Variants in TANC1 observed in about 807,000 individuals in gnomAD.
The protein encoded by TANC1 is protein TANC1.
In TANC1, 77 loss-of-function variants were observed where a neutral mutation model predicts 149.7. The ratio of observed to expected loss-of-function variants is 0.51; its 90% CI spans 0.43 to 0.62. The LOEUF (loss-of-function observed/expected upper bound fraction) is 0.62, where lower values mean the gene tolerates loss of function less well. TANC1 is among the 20% of genes least tolerant of loss of function. TANC1 has a pLI of 0.00. For missense variants in TANC1, 1,985 were observed against 2,321.8 expected, an observed-to-expected ratio of 0.85 and a Z score of 2.98; for synonymous variants, 854 against 925.0, an observed-to-expected ratio of 0.92 and a Z score of 1.39.
chr2:159,041,162 C>T (rs146122091), intron 2 of TANC1, among the ~76,000 whole-genome samples: 190 of 152,228 alleles, frequency 1.2e-3, no homozygotes, highest in African/African-American at 4.1e-3. Flanking sequence ...AGCTTCATCT[C>T]GGAGGAGCAC....
intron 7 of TANC1, among the ~76,000 whole-genome samples, chr2:159,151,086 G>A (rs1350817114): frequency 6.6e-6 from 1 of 152,164 alleles, no homozygotes; most frequent in African/African-American, 2.4e-5. Flanking sequence ...TTGTCCTGAA[G>A]CCTAGGAGTC....
Position 159,179,718 on chromosome 2 carries a change from G to A in TANC1, c.2510+555G>A, listed in dbSNP as rs2056275238. ...TCCACACCCTTCACCCTTTGTGGAT[G>A]AGCTCTGTGTGGTGGACTGGACCAG... On this transcript the variant is annotated intron_variant, in intron 14 of 26. Coordinates refer to ENST00000263635, the MANE Select transcript of TANC1 (RefSeq NM_033394.3). 2.0e-5 allele frequency among the ~76,000 whole-genome samples: 3 copies of A among 152,196 alleles called. No individual in the cohort carries two copies. The South Asian group carries it at 6.2e-4, about 32-fold the overall frequency.
chr2:158,987,213 C>CAAAAAAAAA (rs34300029), intron 1 of TANC1, among the ~76,000 whole-genome samples: 1 of 76,026 alleles, frequency 1.3e-5, no homozygotes, highest in African/African-American at 6.0e-5. Flanking sequence ...GACTCATCTC[C>CAAAAAAAAA]AAAAAAAAAA....
At chr2:159,215,905 C>T (rs2059313040) in intron 19 of TANC1, among the ~76,000 whole-genome samples, 1 of 142,798 alleles carries the variant, frequency 7.0e-6, no homozygotes, top group African/African-American at 2.8e-5. Flanking sequence ...TTGAAGCTTG[C>T]TAATGATGAT....
At chr2:159,054,533 T>C (rs1204609655) in intron 2 of TANC1, among the ~76,000 whole-genome samples, 1 of 152,158 alleles carries the variant, frequency 6.6e-6, no homozygotes, top group Non-Finnish European at 1.5e-5. Flanking sequence ...GGGCATTAAG[T>C]GAAAGATCCA....
At chr2:159,100,086 A>C in intron 4 of TANC1, among the ~76,000 whole-genome samples, 1 of 152,212 alleles carries the variant, frequency 6.6e-6, no homozygotes, top group East Asian at 1.9e-4. Context: ...GAAACTATCG[A>C]TATTTTTAAG....
chr2:159,136,282 A>G lies in TANC1; in HGVS notation c.348A>G (p.Thr116=), dbSNP rs1157001947. The change falls in exon 5 of 27, where the codon ACA becomes ACG. Residue 116 remains threonine, a synonymous_variant. Transcript: ENST00000263635. ...CATTCAGAGAAGTAGCCAAGCCAAC[A>G]GAGCCTGATGAGCATGGTAAGAATT... is the stretch of plus-strand genomic sequence containing the variant. ...IMPFREVAKP[T]EPDEHEAKAD... is the part of the protein sequence containing the mutation. 3.1e-6 allele frequency: 5 copies of G among 1,599,228 alleles called. No homozygotes were observed. The highest frequency in any genetic ancestry group is 3.3e-4 in the Middle Eastern group (2 of 6,026).
At chr2:159,120,854 G>A (rs990020861) in intron 4 of TANC1, among the ~76,000 whole-genome samples, 1 of 152,130 alleles carries the variant, frequency 6.6e-6, no homozygotes, top group Non-Finnish European at 1.5e-5. Context: ...TCCTGCCTCT[G>A]CCTCCCAAAG....
At chr2:159,057,802 G>C (rs1052468196) in intron 2 of TANC1, among the ~76,000 whole-genome samples, 1 of 152,144 alleles carries the variant, frequency 6.6e-6, no homozygotes, top group African/African-American at 2.4e-5. Context: ...GATGAAGAAG[G>C]CTTCGAAGAT....
intron 19 of TANC1, among the ~76,000 whole-genome samples, chr2:159,210,787 C>T (rs772151331): frequency 2.0e-5 from 3 of 151,428 alleles, no homozygotes; most frequent in Non-Finnish European, 2.9e-5. Flanking sequence ...AGAATGGTCT[C>T]GATCTCTTGA....
At chr2:159,188,903 C>T (rs573465952) in intron 16 of TANC1, among the ~76,000 whole-genome samples, 4 of 152,292 alleles carry the variant, frequency 2.6e-5, no homozygotes, top group South Asian at 2.1e-4. Context: ...ATTTCCATAT[C>T]GTTGGGGGAA....
At chr2:159,128,121 C>T in intron 4 of TANC1, among the ~76,000 whole-genome samples, 1 of 152,116 alleles carries the variant, frequency 6.6e-6, no homozygotes, top group East Asian at 1.9e-4. Flanking sequence ...TTTTTCTTCC[C>T]TAGAATTGCA....
chr2:159,124,906 T>A (rs1230570472), intron 4 of TANC1, among the ~76,000 whole-genome samples: 1 of 126,984 alleles, frequency 7.9e-6, no homozygotes, highest in Non-Finnish European at 1.6e-5. Flanking sequence ...CATGCCCAGC[T>A]AATTTTTGTA....
intron 19 of TANC1, among the ~76,000 whole-genome samples, chr2:159,208,555 T>C (rs1204033486): frequency 6.6e-6 from 1 of 152,226 alleles, no homozygotes; most frequent in Non-Finnish European, 1.5e-5. Flanking sequence ...TTCACCTCTG[T>C]TAGATAGCTC....
intron 2 of TANC1, among the ~76,000 whole-genome samples, chr2:159,040,082 A>G (rs1166781127): frequency 6.6e-6 from 1 of 152,182 alleles, no homozygotes; most frequent in Non-Finnish European, 1.5e-5. Context: ...TTCTTGTTGT[A>G]TTGATCCCTT....
intron 15 of TANC1, among the ~76,000 whole-genome samples, chr2:159,186,352 G>A (rs1054312084): frequency 6.6e-6 from 1 of 152,128 alleles, no homozygotes; most frequent in Non-Finnish European, 1.5e-5. Flanking sequence ...CCATCCTCCC[G>A]CCTCAGCCTC....
chr2:159,229,836 T>C lies in TANC1; in HGVS notation c.4410T>C (p.Ser1470=). ...EEEETSPQEE[S]VSPTPRSQPS... is the part of the protein sequence containing the mutation. ...AAGAAACTTCTCCCCAGGAAGAATCTGTTTCCCCAACTCCCAGGTCCCAGC... is the reference window on the plus strand; with the variant it reads ...AAGAAACTTCTCCCCAGGAAGAATCCGTTTCCCCAACTCCCAGGTCCCAGC... Residue 1470 remains serine (S), a synonymous_variant, in exon 27 of 27, where the codon TCT becomes TCC. Transcript: ENST00000263635. 2 of 1,613,942 alleles carry C rather than the reference T, an allele frequency of 1.2e-6. No individual in the cohort carries two copies. The highest frequency in any genetic ancestry group is 1.1e-5 in the South Asian group (1 of 91,080).
At chr2:159,176,723 G>T (rs952969131) in intron 13 of TANC1, among the ~76,000 whole-genome samples, 1 of 152,150 alleles carries the variant, frequency 6.6e-6, no homozygotes, top group African/African-American at 2.4e-5. Flanking sequence ...TGTCAGGTAA[G>T]TTTCCTGTTG....
intron 2 of TANC1, among the ~76,000 whole-genome samples, chr2:159,015,782 A>G (rs1389235902): frequency 1.3e-5 from 2 of 152,166 alleles, no homozygotes; most frequent in African/African-American, 4.8e-5. Flanking sequence ...CTTTGCTAAA[A>G]CATAACAGGA....
Sources: gnomAD v4.1 joint callset for allele counts (sites outside exome capture counted in the v4.1 genomes callset) on GRCh38, gnomAD v4.1.1 for gene constraint, MANE v1.5 for transcripts, NCBI Gene and HGNC (gene_info 2026-07-23, HGNC 2026-07-21) for gene names.